Variants in KCNQ2 observed in about 807,000 individuals in gnomAD.
KCNQ2 encodes the protein potassium voltage-gated channel subfamily Q member 2, also known as potassium voltage-gated channel subfamily KQT member 2.
Under a neutral mutation model 84.8 loss-of-function variants are expected in KCNQ2, and 14 were observed. That is an observed-to-expected ratio of 0.17 (90% CI 0.11 to 0.26). The LOEUF (loss-of-function observed/expected upper bound fraction) is 0.26. KCNQ2 is among the 10% of genes least tolerant of loss of function. The probability of loss-of-function intolerance (pLI) is 1.00; values close to 1 mark genes in which losing one functional copy is unlikely to be tolerated. For missense variants in KCNQ2, 788 were observed against 1,254.0 expected, an observed-to-expected ratio of 0.63 and a Z score of 5.61; for synonymous variants, 599 against 554.1, an observed-to-expected ratio of 1.08 and a Z score of -1.14.
chr20:63,457,722 C>G (rs976015747), intron 1 of KCNQ2, among the ~76,000 whole-genome samples: 1 of 152,244 alleles, frequency 6.6e-6, no homozygotes, highest in Admixed American at 6.5e-5. Context: ...CCCACAGGGA[C>G]CCCCAGCCCC....
At chr20:63,445,068 G>C (rs1413441654) in intron 3 of KCNQ2, among the ~76,000 whole-genome samples, 170 bp downstream of exon 3, 1 of 152,178 alleles carries the variant, frequency 6.6e-6, no homozygotes, top group Non-Finnish European at 1.5e-5. Flanking sequence ...TTTAGGCAGA[G>C]TTAACCACAG....
intron 1 of KCNQ2, chr20:63,448,353 A>T (rs2081496466): frequency 6.6e-6 from 1 of 152,256 alleles, no homozygotes; most frequent in African/African-American, 2.4e-5. Flanking sequence ...AGACGCCTTC[A>T]CCTTGACCGT....
At chr20:63,420,537 G>A (rs765364515) in intron 11 of KCNQ2, among the ~76,000 whole-genome samples, 4 of 150,490 alleles carry the variant, frequency 2.7e-5, no homozygotes, top group South Asian at 2.1e-4. Context: ...CCAGCGTGGC[G>A]ACGGCATCCA....
Position 63,414,276 on chromosome 20 carries a change from C to G in KCNQ2, c.1526-83G>C, listed in dbSNP as rs931886897. On this transcript the variant is annotated intron_variant, in intron 13 of 16. Coordinates refer to ENST00000359125, the MANE Select transcript of KCNQ2 (RefSeq NM_172107.4). This position sits in a 1 kb window ranked among gnomAD's most constrained non-coding sequence, Gnocchi z 6.6. ...GGTCCTGCAGGGCACACCGGCTAGA[C>G]AGAGCGCCAGGGAGCCCCTCGAGGC... is the stretch of plus-strand genomic sequence containing the variant. 4.2e-5 allele frequency: 43 copies of G among 1,028,112 alleles called. No individual in the cohort carries two copies. The African/African-American group carries it at 5.4e-4, about 13-fold the overall frequency. 63.7% of individuals were successfully genotyped at this position (1,028,112 alleles called of 1,614,324 possible).
chr20:63,435,537 A>C (rs1431934852), intron 7 of KCNQ2, among the ~76,000 whole-genome samples: 1 of 152,234 alleles, frequency 6.6e-6, no homozygotes, highest in African/African-American at 2.4e-5. Flanking sequence ...GACGGTGAAC[A>C]CTGCAGACAG....
intron 1 of KCNQ2, among the ~76,000 whole-genome samples, chr20:63,464,368 A>T (rs2082031121): frequency 6.6e-6 from 1 of 151,850 alleles, no homozygotes; most frequent in South Asian, 2.1e-4. Flanking sequence ...CAGGTACCTT[A>T]GCCTCACCCA....
chr20:63,413,222 T>C, intron 15 of KCNQ2: 1 of 574,510 alleles, frequency 1.7e-6, no homozygotes, highest in Non-Finnish European at 3.2e-6. Context: ...CACACACAGG[T>C]GCACGCACTT....
intron 4 of KCNQ2, among the ~76,000 whole-genome samples, chr20:63,443,948 C>T (rs964781434): frequency 1.2e-4 from 19 of 152,344 alleles, no homozygotes; most frequent in Middle Eastern, 3.4e-3. Flanking sequence ...CCCAACCTCC[C>T]TGAGCCTCCG....
Position 63,428,424 on chromosome 20 carries a change from G to A in KCNQ2, c.1160C>T (p.Pro387Leu). The A allele has an allele frequency of 1.3e-6, 2 of 1,589,172 alleles. No individual in the cohort carries two copies. Among genetic ancestry groups the A allele is most frequent in the East Asian group, 2.3e-5 (1 of 44,162 alleles). The change falls in exon 10 of 17, where the codon CCG becomes CTG. Residue 387 changes from proline (P) to leucine (L), a missense_variant. Transcript: ENST00000359125. ...CCTCAGCAGCTCCAGCTGGTTCAGCGGGGGGATAAGTCTGGGGCAAGAGAA... is the reference window on the plus strand; with the variant it reads ...CCTCAGCAGCTCCAGCTGGTTCAGCAGGGGGATAAGTCTGGGGCAAGAGAA... The part of the protein sequence containing the change: ...QTYGASRLIP[P>L]LNQLELLRNL...
At chr20:63,419,533 CT>C (rs992073472) in intron 12 of KCNQ2, 85 bp downstream of exon 12, 79 of 1,401,714 alleles carry the variant, frequency 5.6e-5, no homozygotes, top group Non-Finnish European at 7.2e-5. Context: ...CAGCCTCCCC[CT>C]GGCTCCTCCA....
chr20:63,469,706 C>G (rs1056421425), intron 1 of KCNQ2, among the ~76,000 whole-genome samples: 19 of 152,390 alleles, frequency 1.2e-4, no homozygotes, highest in South Asian at 2.1e-4. Context: ...GCCTTCCCCC[C>G]ACTCCCGGCT....
chr20:63,445,496 A>G (rs1600790108), intron 2 of KCNQ2, 132 bp from the exon 3 acceptor site: 1 of 582,874 alleles, frequency 1.7e-6, no homozygotes, highest in East Asian at 3.3e-5. Flanking sequence ...GGAAACTGCA[A>G]GCTGACCCCC....
intron 15 of KCNQ2, chr20:63,412,396 GCACACA>G (rs951253479): frequency 8.4e-5 from 14 of 166,606 alleles, no homozygotes; most frequent in African/African-American, 2.9e-4. Flanking sequence ...AGGGCGTTCC[GCACACA>G]CACGCACACG....
intron 14 of KCNQ2, 107 bp downstream of exon 14, chr20:63,413,981 T>G (rs1224049898): frequency 1.3e-5 from 11 of 835,118 alleles, no homozygotes; most frequent in Non-Finnish European, 2.3e-5. Flanking sequence ...GTAGACTCTG[T>G]CTCTGGGCGG....
At chr20:63,454,997 A>C (rs1600828546) in intron 1 of KCNQ2, among the ~76,000 whole-genome samples, 1 of 152,192 alleles carries the variant, frequency 6.6e-6, no homozygotes, top group Admixed American at 6.5e-5. Context: ...CACTCAGCTG[A>C]GGTCTCGCTG....
intron 15 of KCNQ2, among the ~76,000 whole-genome samples, chr20:63,411,621 C>G (rs1457404053): frequency 6.7e-6 from 1 of 148,686 alleles, no homozygotes; most frequent in Non-Finnish European, 1.5e-5. Flanking sequence ...GGAGGAAGGG[C>G]CTTCTCCCTC....
chr20:63,405,736 G>A lies in KCNQ2; in HGVS notation c.*908C>T, dbSNP rs114805896. On this transcript the variant is annotated 3_prime_UTR_variant, in exon 17 of 17. Coordinates refer to ENST00000359125, the MANE Select transcript of KCNQ2 (RefSeq NM_172107.4). ...CCGGCCAGGGCAGTCAGGAGAGAGG[G>A]GAGGACTTGGGGTCCTGCCCCCCCG... The A allele has an allele frequency of 0.085, 12,997 of 152,466 alleles. 610 individuals are homozygous for A. The highest frequency in any genetic ancestry group is 0.11 in the African/African-American group (4,569 of 41,578). The allele number at this position is 152,466 out of a possible 1,614,324, so 9.4% of individuals were successfully genotyped here. A position where few individuals can be genotyped will look rare whatever the true frequency, so the allele number is the denominator to read the frequency against.
At position 63,407,933 on chromosome 20, in the gene KCNQ2, G is replaced by A. The variant is rs1291500419; in HGVS notation, c.1887+480C>T. The A allele has an allele frequency of 4.7e-6, 1 of 213,322 alleles. No individual in the cohort carries two copies. Among genetic ancestry groups the A allele is most frequent in the Non-Finnish European group, 9.5e-6 (1 of 104,868 alleles). 13.2% of individuals were successfully genotyped at this position (213,322 alleles called of 1,614,324 possible). On this transcript the variant is annotated intron_variant, in intron 16 of 16. Coordinates refer to ENST00000359125, the MANE Select transcript of KCNQ2 (RefSeq NM_172107.4). The surrounding 1 kb of genome is among the most constrained non-coding windows in gnomAD (Gnocchi z 7.2). ...CTGCCCACCGTGGAACCCCCTTCAG[G>A]AAAGCCCCACAGGGCAGGACCTGGC...
At chr20:63,470,153 G>GA (rs1384413437) in intron 1 of KCNQ2, among the ~76,000 whole-genome samples, 3 of 152,316 alleles carry the variant, frequency 2.0e-5, no homozygotes, top group Admixed American at 6.5e-5. Context: ...CCGCCGCTTA[G>GA]AAAAAATCCC....
Sources: gnomAD v4.1 joint callset for allele counts (sites outside exome capture counted in the v4.1 genomes callset) on GRCh38, gnomAD v4.1.1 for gene constraint, Gnocchi (gnomAD v3.1) non-coding constraint, MANE v1.5 for transcripts, NCBI Gene and HGNC (gene_info 2026-07-23, HGNC 2026-07-21) for gene names.